The following TLL1 variants were observed in gnomAD, a reference collection of about 807,000 sequenced individuals.
The protein encoded by TLL1 is tolloid like 1.
In TLL1, 49 loss-of-function variants were observed where a neutral mutation model predicts 128.2. The observed-to-expected ratio is 0.38, with a 90% confidence interval of 0.30 to 0.48. TLL1 has a LOEUF of 0.48. Ranked by LOEUF, TLL1 falls within the 20% of genes least tolerant of loss-of-function variation. The pLI is 0.96. For missense variants in TLL1, 1,123 were observed against 1,242.0 expected (o/e 0.90, Z 1.44); for synonymous variants, 454 against 418.8 (o/e 1.08, Z -1.03).
At chr4:166,024,702 T>TC (rs560780925) in intron 8 of TLL1, among the ~76,000 whole-genome samples, 1 of 152,334 alleles carries the variant, frequency 6.6e-6, no homozygotes, top group African/African-American at 2.4e-5. Flanking sequence ...AATTGCTTTT[T>TC]TAGCAATTTC....
At chr4:165,936,806 G>A (rs188045415) in intron 1 of TLL1, among the ~76,000 whole-genome samples, 64 of 152,098 alleles carry the variant, frequency 4.2e-4, no homozygotes, top group Admixed American at 1.6e-3. Flanking sequence ...GGTGGCAGGC[G>A]CCTGTAATCC....
chr4:165,952,972 G>A (rs762522586), intron 1 of TLL1, among the ~76,000 whole-genome samples: 12 of 152,040 alleles, frequency 7.9e-5, no homozygotes, highest in African/African-American at 1.7e-4. Context: ...ACTTGTGTAC[G>A]TTTACTTACT....
intron 1 of TLL1, among the ~76,000 whole-genome samples, chr4:165,882,793 T>A (rs1731018211): frequency 1.3e-5 from 2 of 151,932 alleles, no homozygotes; most frequent in Admixed American, 1.3e-4. Context: ...TAGTTTTATA[T>A]TTTTAGTAGA....
chr4:165,954,845 C>G (rs574989784), intron 1 of TLL1, among the ~76,000 whole-genome samples: 1 of 152,044 alleles, frequency 6.6e-6, no homozygotes, highest in African/African-American at 2.4e-5. Context: ...GAACATCAGC[C>G]CTCTCAGATG....
chr4:165,937,125 TG>T (rs1298234669), intron 1 of TLL1, among the ~76,000 whole-genome samples: 1 of 152,212 alleles, frequency 6.6e-6, no homozygotes, highest in African/African-American at 2.4e-5. Flanking sequence ...CCCAAATTTC[TG>T]CTACTTCTGT....
Position 165,873,901 on chromosome 4 carries a change from G to A in TLL1, c.-4G>A, listed in dbSNP as rs1466282058. ...GTCCCCTCCTTTTCCTCCGGGGGAGGAGGATGGGGTTGGGAACGCTTTCCC... is the reference window on the plus strand; with the variant it reads ...GTCCCCTCCTTTTCCTCCGGGGGAGAAGGATGGGGTTGGGAACGCTTTCCC... On this transcript the variant is annotated 5_prime_UTR_variant, in exon 1 of 21. Coordinates refer to ENST00000061240, the MANE Select transcript of TLL1 (RefSeq NM_012464.5). The A allele has an allele frequency of 6.2e-7, 1 of 1,613,698 alleles. No homozygotes were observed. Among genetic ancestry groups the A allele is most frequent in the Non-Finnish European group, 8.5e-7 (1 of 1,180,010 alleles).
At chr4:165,925,001 G>T (rs1208862219) in intron 1 of TLL1, among the ~76,000 whole-genome samples, 2 of 152,048 alleles carry the variant, frequency 1.3e-5, no homozygotes, top group African/African-American at 2.4e-5. Context: ...GAGACTTACT[G>T]CTCCAAAAAA....
In TLL1 at chr4:165,921,574, C is replaced by T. The variant is rs181748823; in HGVS notation, c.169+47501C>T. ...TAAGCTTTATACCCCGGGGACCCTT[C>T]TTTCAAAGTGTTATATCACTTAGTT... On this transcript the variant is annotated intron_variant, in intron 1 of 20. Coordinates refer to ENST00000061240, the MANE Select transcript of TLL1 (RefSeq NM_012464.5). Among the ~76,000 whole-genome samples, 976 of 152,274 alleles carry T rather than the reference C, an allele frequency of 6.4e-3. 3 individuals carry two copies. The highest frequency in any genetic ancestry group is 0.01 in the Middle Eastern group (3 of 292).
chr4:165,976,960 T>C (rs1735912762), intron 1 of TLL1, among the ~76,000 whole-genome samples: 1 of 152,186 alleles, frequency 6.6e-6, no homozygotes, highest in Admixed American at 6.5e-5. Context: ...TGTTAGCGTA[T>C]TTTATGTGTG....
Position 166,088,874 on chromosome 4 carries a change from G to A in TLL1, c.2443-2254G>A, listed in dbSNP as rs117965332. Among the ~76,000 whole-genome samples, 12 of 152,112 alleles carry A rather than the reference G, an allele frequency of 7.9e-5. No homozygotes were observed. In the East Asian group the frequency reaches 1.2e-3, roughly 15 times the overall value. On this transcript the variant is annotated intron_variant, in intron 18 of 20. Coordinates refer to ENST00000061240, the MANE Select transcript of TLL1 (RefSeq NM_012464.5). ...TTATGATTTAGGCCAGACGTCCTGCGTTTCATTAGGAAGAAAAATAGTCAC... is the reference window on the plus strand; with the variant it reads ...TTATGATTTAGGCCAGACGTCCTGCATTTCATTAGGAAGAAAAATAGTCAC...
At chr4:166,042,359 G>A (rs1397991928) in intron 11 of TLL1, among the ~76,000 whole-genome samples, 2 of 152,170 alleles carry the variant, frequency 1.3e-5, no homozygotes, top group Non-Finnish European at 2.9e-5. Flanking sequence ...ATCTAAATGT[G>A]TTCAGGATGT....
Position 166,100,914 on chromosome 4 carries a change from A to G in TLL1, c.*38A>G. ...TGTCAGAACACAAAGGAATGTGCAT[A>G]ATGGAGAGAAGACATATTTTTTTTA... is the stretch of plus-strand genomic sequence containing the variant. On this transcript the variant is annotated 3_prime_UTR_variant, in exon 21 of 21. Coordinates refer to ENST00000061240, the MANE Select transcript of TLL1 (RefSeq NM_012464.5). 2 of 1,609,070 alleles carry G rather than the reference A, an allele frequency of 1.2e-6. No homozygotes were observed. Among genetic ancestry groups the G allele is most frequent in the Non-Finnish European group, 1.7e-6 (2 of 1,177,260 alleles).
chr4:166,031,078 A>G (rs1738745452), intron 9 of TLL1: 1 of 844,138 alleles, frequency 1.2e-6, no homozygotes, highest in Admixed American at 6.2e-5. Context: ...ACAAAGAATT[A>G]CTCATAAAAT....
At chr4:165,909,927 C>T (rs1732449373) in intron 1 of TLL1, among the ~76,000 whole-genome samples, 1 of 152,056 alleles carries the variant, frequency 6.6e-6, no homozygotes, top group South Asian at 2.1e-4. Flanking sequence ...CAAATACCTA[C>T]TGACAAAGAT....
chr4:166,052,982 T>TATATATATATA (rs1553965120), intron 12 of TLL1, among the ~76,000 whole-genome samples: 2 of 145,356 alleles, frequency 1.4e-5, no homozygotes, highest in Non-Finnish European at 3.0e-5. Context: ...TATATATATA[T>TATATATATATA]TTGGCCAAAT....
At chr4:166,080,476 C>T (rs1741237536) in intron 18 of TLL1, among the ~76,000 whole-genome samples, 1 of 152,112 alleles carries the variant, frequency 6.6e-6, no homozygotes. Context: ...ATGTTAAATT[C>T]GTAGTTCCTT....
At chr4:165,969,738 A>G (rs1193095090) in intron 1 of TLL1, among the ~76,000 whole-genome samples, 1 of 152,164 alleles carries the variant, frequency 6.6e-6, no homozygotes. Flanking sequence ...TCATGAAAAT[A>G]GAGCACAAGA....
intron 1 of TLL1, among the ~76,000 whole-genome samples, chr4:165,886,157 G>A (rs192407043): frequency 2.6e-5 from 4 of 152,066 alleles, no homozygotes; most frequent in African/African-American, 7.2e-5. Context: ...ATGAATCTAG[G>A]TAGTGTAATT....
chr4:166,086,238 A>C (rs766757325), intron 18 of TLL1, among the ~76,000 whole-genome samples: 48 of 152,236 alleles, frequency 3.2e-4, no homozygotes, highest in Admixed American at 1.5e-3. Flanking sequence ...CTGAACTATC[A>C]GAGTCAGTTT....
Sources: allele counts gnomAD v4.1 joint callset (sites outside exome capture counted in the v4.1 genomes callset), GRCh38; gene constraint gnomAD v4.1.1; transcripts MANE v1.5; gene names NCBI Gene and HGNC (gene_info 2026-07-23, HGNC 2026-07-21).